LRP2: variants seen among roughly 807,000 people sequenced by gnomAD.
The protein encoded by LRP2 is LDL receptor related protein 2, also known as low-density lipoprotein receptor-related protein 2.
Under a neutral mutation model 531.0 loss-of-function variants are expected in LRP2, and 172 were observed. That is an observed-to-expected ratio of 0.32 (90% confidence interval 0.29 to 0.37). LRP2 has a LOEUF of 0.37. Among genes scored for constraint, LRP2 ranks in the 10% least tolerant of loss-of-function variants. LRP2 has a pLI of 1.00. For missense variants in LRP2, 5,167 were observed against 5,868.3 expected (o/e 0.88, Z 3.90); for synonymous variants, 1,992 against 2,027.6 (o/e 0.98, Z 0.47).
chr2:169,312,535 C>A (rs938250131), intron 3 of LRP2, among the ~76,000 whole-genome samples: 2 of 152,186 alleles, frequency 1.3e-5, no homozygotes, highest in African/African-American at 4.8e-5. Context: ...TTGGCCCCCC[C>A]TCTCTTCTGG....
chr2:169,288,798 T>G (rs1243825353), intron 9 of LRP2, among the ~76,000 whole-genome samples: 1 of 152,218 alleles, frequency 6.6e-6, no homozygotes, highest in Non-Finnish European at 1.5e-5. Flanking sequence ...TCCAGGTAGC[T>G]AGTCAACTCG....
chr2:169,266,912 G>C (rs1428653297), intron 16 of LRP2, among the ~76,000 whole-genome samples: 1 of 145,904 alleles, frequency 6.9e-6, no homozygotes, highest in Non-Finnish European at 1.5e-5. Flanking sequence ...TTCCGAGATA[G>C]GGTTGCACTC....
intron 1 of LRP2, among the ~76,000 whole-genome samples, chr2:169,356,933 TCTC>T (rs1252262424): frequency 6.6e-6 from 1 of 152,204 alleles, no homozygotes; most frequent in Non-Finnish European, 1.5e-5. Context: ...TCTTTTCAGT[TCTC>T]ATCTTCCTTA....
intron 1 of LRP2, among the ~76,000 whole-genome samples, chr2:169,330,716 G>A (rs1685241712): frequency 6.6e-6 from 1 of 152,022 alleles, no homozygotes; most frequent in African/African-American, 2.4e-5. Flanking sequence ...ACATCACGGT[G>A]ACAAAAACAC....
chr2:169,360,244 G>A (rs539733427), intron 1 of LRP2, among the ~76,000 whole-genome samples: 2 of 151,590 alleles, frequency 1.3e-5, no homozygotes, highest in Admixed American at 1.3e-4. Flanking sequence ...CTAGCAGTAT[G>A]AACTGAGACA....
Position 169,312,851 on chromosome 2 carries a change from A to G in LRP2, c.311-5454T>C, listed in dbSNP as rs183270820. On this transcript the variant is annotated intron_variant, in intron 3 of 78. Coordinates refer to ENST00000649046, the MANE Select transcript of LRP2 (RefSeq NM_004525.3). ...ACTTTCAGGTACAACAATCAGACGTAGATTTGGTCGTTTCACATAGTCCCA... is the reference window on the plus strand; with the variant it reads ...ACTTTCAGGTACAACAATCAGACGTGGATTTGGTCGTTTCACATAGTCCCA... Among the ~76,000 whole-genome samples, 589 of 152,312 alleles carry G rather than the reference A, an allele frequency of 3.9e-3. 4 individuals are homozygous for G. Among genetic ancestry groups the G allele is most frequent in the Non-Finnish European group, 5.4e-3 (368 of 68,032 alleles).
chr2:169,226,924 CACAG>C (rs978624904), intron 31 of LRP2, among the ~76,000 whole-genome samples: 69 of 151,836 alleles, frequency 4.5e-4, no homozygotes, highest in African/African-American at 1.6e-3. Context: ...CACTTCTACA[CACAG>C]ACAAACCTCA....
At chr2:169,194,589 C>T (rs924938793) in intron 46 of LRP2, among the ~76,000 whole-genome samples, 7 of 152,108 alleles carry the variant, frequency 4.6e-5, no homozygotes, top group Non-Finnish European at 2.9e-5. Flanking sequence ...ACCCAGGGGA[C>T]CCTGGAATTA....
At chr2:169,155,667 T>C (rs1176653385) in intron 65 of LRP2, among the ~76,000 whole-genome samples, 1 of 110,262 alleles carries the variant, frequency 9.1e-6, no homozygotes, top group Non-Finnish European at 1.8e-5. Context: ...TACATCTGAC[T>C]TACATTCTTT....
chr2:169,215,138 C>T (rs1019882660), intron 35 of LRP2, among the ~76,000 whole-genome samples: 4 of 152,202 alleles, frequency 2.6e-5, no homozygotes, highest in Non-Finnish European at 4.4e-5. Context: ...CACATCATCA[C>T]TTCTTTTTAA....
chr2:169,218,806 T>C (rs1276655701), intron 34 of LRP2, among the ~76,000 whole-genome samples: 2 of 152,142 alleles, frequency 1.3e-5, no homozygotes, highest in African/African-American at 4.8e-5. Context: ...GCTCGAAAGA[T>C]CTTGATACTC....
rs541869049 is a variant in LRP2 at position 169,347,465 on chromosome 2, T to C, written c.79+14856A>G. 1.8e-4 allele frequency among the ~76,000 whole-genome samples: 27 copies of C among 152,250 alleles called. No individual in the cohort carries two copies. The South Asian group carries it at 4.6e-3, about 26-fold the overall frequency. ...AAGAGAACTTAATAATTTTTTTCATTAGTAGTAAACAACAACAACCTCTGA... is the reference window on the plus strand; with the variant it reads ...AAGAGAACTTAATAATTTTTTTCATCAGTAGTAAACAACAACAACCTCTGA... On this transcript the variant is annotated intron_variant, in intron 1 of 78. Transcript: ENST00000649046.
chr2:169,141,400 GA>G (rs1327808182), intron 71 of LRP2, among the ~76,000 whole-genome samples: 1 of 152,076 alleles, frequency 6.6e-6, no homozygotes, highest in Non-Finnish European at 1.5e-5. Context: ...TGTCCTCTTA[GA>G]ATGTAAACTC....
At position 169,292,295 on chromosome 2, in the gene LRP2, C is replaced by T; in HGVS notation, c.727G>A (p.Gly243Arg). 1.9e-6 allele frequency: 3 copies of T among 1,614,104 alleles called. No homozygotes were observed. The highest frequency in any genetic ancestry group is 1.3e-5 in the African/African-American group (1 of 75,034). Residue 243 changes from glycine to arginine, a missense_variant, in exon 7 of 79, where the codon GGA becomes AGA. Physicochemically the swap from Gly to Arg is moderately radical, Grantham distance 125. Around this residue, in one of 6 missense-constraint regions of LRP2, gnomAD observed 2,811 missense variants for 3,058.0 expected, o/e 0.92. Transcript: ENST00000649046. ...RCIYQNWVCD[G>R]EDDCKDNGDE... The stretch of plus-strand genomic sequence containing the variant: ...CCATTATCTTTACAGTCATCTTCTC[C>T]ATCACAAACCCAGTTTTGATAAATG...
rs1685132990 is a variant in LRP2, at chr2:169,127,345, A to G, written c.*1318T>C. On this transcript the variant is annotated 3_prime_UTR_variant, in exon 79 of 79. Coordinates refer to ENST00000649046, the MANE Select transcript of LRP2 (RefSeq NM_004525.3). Reference sequence around the variant, plus strand: ...CAGAGAGTCAGGTATGCTATTTGCTATGGGAAAGTGTATATTCCTGCCATG... The same window carrying G: ...CAGAGAGTCAGGTATGCTATTTGCTGTGGGAAAGTGTATATTCCTGCCATG... 1 of 152,194 alleles carries G rather than the reference A, an allele frequency of 6.6e-6. No homozygotes were observed. Among genetic ancestry groups the G allele is most frequent in the African/African-American group, 2.4e-5 (1 of 41,414 alleles). The allele number at this position is 152,194 out of a possible 1,614,324, so 9.4% of individuals were successfully genotyped here.
rs370762290 is a variant in LRP2 at position 169,188,333 on chromosome 2, G to A, written c.9033-68C>T. 2.0e-6 allele frequency: 3 copies of A among 1,512,710 alleles called. No individual in the cohort carries two copies. In the East Asian group the frequency reaches 6.8e-5, roughly 34 times the overall value. The allele number at this position is 1,512,710 out of a possible 1,614,324, so 93.7% of individuals were successfully genotyped here. On this transcript the variant is annotated intron_variant, in intron 48 of 78. Transcript: ENST00000649046. ...TAAACCTCAACTATTACCCACTTGG[G>A]GTTTTGCTTCCTTCTTTATCTACCT...
At chr2:169,172,543 T>G (rs1687044450) in intron 57 of LRP2, among the ~76,000 whole-genome samples, 2 of 152,256 alleles carry the variant, frequency 1.3e-5, no homozygotes, top group Admixed American at 6.5e-5. Flanking sequence ...ATACTCCAGA[T>G]GCTTTGGTTT....
chr2:169,243,548 A>G, intron 22 of LRP2, 26 bp from the exon 23 acceptor site: 1 of 1,613,566 alleles, frequency 6.2e-7, no homozygotes, highest in East Asian at 2.2e-5. Flanking sequence ...AACAAAACCA[A>G]CAAGTTTATT....
intron 37 of LRP2, among the ~76,000 whole-genome samples, chr2:169,210,241 G>A (rs1424356333): frequency 2.0e-5 from 3 of 152,114 alleles, no homozygotes; most frequent in Non-Finnish European, 2.9e-5. Flanking sequence ...ATGGGTAAAA[G>A]GTGCTTGGGA....
Sources: gnomAD v4.1 joint callset for allele counts (sites outside exome capture counted in the v4.1 genomes callset) on GRCh38, gnomAD v4.1.1 for gene constraint, gnomAD v4.1.1 regional missense constraint, MANE v1.5 for transcripts, NCBI Gene and HGNC (gene_info 2026-07-23, HGNC 2026-07-21) for gene names.